Variants in EVI5 observed in about 807,000 individuals in gnomAD.
EVI5 encodes ecotropic viral integration site 5.
EVI5 carries 73 observed loss-of-function variants against 112.0 expected under a neutral mutation model. The ratio of observed to expected loss-of-function variants is 0.65; its 90% confidence interval spans 0.54 to 0.79. EVI5 has a LOEUF of 0.79. EVI5 is among the 30% of genes least tolerant of loss of function. The probability of loss-of-function intolerance (pLI) is 0.00; values close to 1 mark genes in which losing one functional copy is unlikely to be tolerated. For missense variants in EVI5, 900 were observed against 968.8 expected (o/e 0.93, Z 0.94); for synonymous variants, 305 against 319.9 (o/e 0.95, Z 0.50).
intron 19 of EVI5, among the ~76,000 whole-genome samples, chr1:92,554,083 A>C (rs1372654479): frequency 6.6e-6 from 1 of 152,232 alleles, no homozygotes; most frequent in Admixed American, 6.5e-5. Flanking sequence ...TGCTAGTAGC[A>C]CCAAATGGAA....
chr1:92,709,274 T>C (rs908306212), intron 2 of EVI5, among the ~76,000 whole-genome samples: 13 of 152,164 alleles, frequency 8.5e-5, no homozygotes, highest in African/African-American at 2.4e-4. Flanking sequence ...GGGTTATACA[T>C]AGGTATATAC....
At position 92,525,993 on chromosome 1, in the gene EVI5, G is replaced by A. The variant is rs114873232; in HGVS notation, c.2167-12023C>T. On this transcript the variant is annotated intron_variant, in intron 19 of 19. Transcript: ENST00000684568. The stretch of plus-strand genomic sequence containing the variant: ...ACAAATGAAATATATGTTTCTTAAG[G>A]GCAGGCCCTTTCCAAGACTTTGAGT... Among the ~76,000 whole-genome samples the A allele has an allele frequency of 8.5e-3, 1,294 of 152,198 alleles. 18 individuals are homozygous for A. The highest frequency in any genetic ancestry group is 0.024 in the Middle Eastern group (7 of 294).
chr1:92,613,031 T>C (rs970262536), intron 16 of EVI5, among the ~76,000 whole-genome samples: 3 of 152,116 alleles, frequency 2.0e-5, no homozygotes, highest in Admixed American at 2.0e-4. Flanking sequence ...GGTACAGGAC[T>C]CAAGAAGGGG....
chr1:92,747,165 TAAC>T (rs750429872), intron 1 of EVI5, among the ~76,000 whole-genome samples: 4 of 152,230 alleles, frequency 2.6e-5, no homozygotes, highest in Admixed American at 6.5e-5. Context: ...CAGTACTGTA[TAAC>T]AACTACTTAC....
At chr1:92,681,640 T>C (rs1667606409) in intron 9 of EVI5, among the ~76,000 whole-genome samples, 1 of 152,162 alleles carries the variant, frequency 6.6e-6, no homozygotes, top group African/African-American at 2.4e-5. Flanking sequence ...ATCATGTCAC[T>C]TTTCGCAAAA....
At position 92,552,988 on chromosome 1, in the gene EVI5, T is replaced by A. The variant is rs539147864; in HGVS notation, c.2166+10654A>T. Among the ~76,000 whole-genome samples the A allele has an allele frequency of 2.7e-3, 407 of 148,178 alleles. 2 individuals carry two copies. The highest frequency in any genetic ancestry group is 9.2e-3 in the African/African-American group (368 of 39,972). On this transcript the variant is annotated intron_variant, in intron 19 of 19. Coordinates refer to ENST00000684568, the MANE Select transcript of EVI5 (RefSeq NM_001350197.2). ...ACATGTTTTCATTAACAAGTTAAAA[T>A]TTTTTTTTTTACCCATTGCAGGAAT...
intron 18 of EVI5, among the ~76,000 whole-genome samples, chr1:92,600,046 C>A (rs1287355618): frequency 6.6e-6 from 1 of 152,034 alleles, no homozygotes; most frequent in African/African-American, 2.4e-5. Flanking sequence ...AAGGGGTAAG[C>A]AGATGAACTA....
At chr1:92,683,659 G>GA (rs1387661429) in intron 9 of EVI5, among the ~76,000 whole-genome samples, 1 of 151,956 alleles carries the variant, frequency 6.6e-6, no homozygotes, top group African/African-American at 2.4e-5. Flanking sequence ...TAAAAACCTT[G>GA]AAAAAAGGTT....
Position 92,735,720 on chromosome 1 carries a change from TATATAATATA to T in EVI5, c.149+668_149+677del, listed in dbSNP as rs59605834. On this transcript the variant is annotated intron_variant, in intron 2 of 19. Transcript: ENST00000684568. ...GATTGAAATATACAATATTATATTA[TATATAATATA>T]ATATAATATAATCATATTAAAATAT... 4.9e-5 allele frequency among the ~76,000 whole-genome samples: 7 copies of T among 142,342 alleles called. No homozygotes were observed. In the South Asian group the frequency reaches 6.4e-4, roughly 13 times the overall value. 93.4% of individuals were successfully genotyped at this position (142,342 alleles called of 152,430 possible).
chr1:92,672,196 G>A (rs544229414), intron 10 of EVI5, among the ~76,000 whole-genome samples: 70 of 152,240 alleles, frequency 4.6e-4, no homozygotes, highest in African/African-American at 1.6e-3. Flanking sequence ...TCTTAACACA[G>A]CAACCAGAAT....
At chr1:92,560,351 T>C (rs2100859089) in intron 19 of EVI5, among the ~76,000 whole-genome samples, 1 of 152,276 alleles carries the variant, frequency 6.6e-6, no homozygotes, top group East Asian at 1.9e-4. Context: ...GTTAAACTAC[T>C]GTATTAGAAG....
At chr1:92,751,750 C>T (rs1243832598) in intron 1 of EVI5, among the ~76,000 whole-genome samples, 2 of 152,082 alleles carry the variant, frequency 1.3e-5, no homozygotes, top group African/African-American at 2.4e-5. Flanking sequence ...CAGTGGCTCC[C>T]GTCTGTAATC....
At chr1:92,720,133 T>C (rs1674484856) in intron 2 of EVI5, among the ~76,000 whole-genome samples, 1 of 152,044 alleles carries the variant, frequency 6.6e-6, no homozygotes, top group Admixed American at 6.5e-5. Context: ...GCTATCCCCA[T>C]GAAGCTACAA....
chr1:92,680,367 G>C (rs1163639671), intron 9 of EVI5, among the ~76,000 whole-genome samples: 5 of 152,132 alleles, frequency 3.3e-5, no homozygotes, highest in African/African-American at 4.8e-5. Flanking sequence ...AGGTTGCAAG[G>C]GTTCCCACTG....
chr1:92,731,659 C>A (rs1023908862), intron 2 of EVI5, among the ~76,000 whole-genome samples: 10 of 152,058 alleles, frequency 6.6e-5, no homozygotes, highest in African/African-American at 2.4e-4. Context: ...TATAAGCCTA[C>A]AATAATCAAG....
At chr1:92,592,237 C>T (rs546248632) in intron 18 of EVI5, among the ~76,000 whole-genome samples, 23 of 152,004 alleles carry the variant, frequency 1.5e-4, no homozygotes, top group South Asian at 1.0e-3. Context: ...AGCGAGACTC[C>T]GTCTCAGAAA....
At chr1:92,678,115 C>G (rs911244971) in intron 9 of EVI5, among the ~76,000 whole-genome samples, 1 of 152,182 alleles carries the variant, frequency 6.6e-6, no homozygotes, top group African/African-American at 2.4e-5. Context: ...TGCTTGCTAT[C>G]TGGGTGATGG....
chr1:92,735,239 C>G (rs1677130668), intron 2 of EVI5, among the ~76,000 whole-genome samples: 1 of 152,092 alleles, frequency 6.6e-6, no homozygotes. Flanking sequence ...AATCAACTAT[C>G]AATATGTGCT....
chr1:92,744,596 TCTCTCACACACACACACACACACACACA>T (rs907947944), intron 1 of EVI5, among the ~76,000 whole-genome samples: 1 of 25,470 alleles, frequency 3.9e-5, no homozygotes, highest in African/African-American at 5.8e-5. Context: ...TCTCTCTCTC[TCTCTCACACACACACACACACACACACA>T]CACACACACA....
Sources: gnomAD v4.1 joint callset for allele counts (sites outside exome capture counted in the v4.1 genomes callset) on GRCh38, gnomAD v4.1.1 for gene constraint, MANE v1.5 for transcripts, NCBI Gene and HGNC (gene_info 2026-07-23, HGNC 2026-07-21) for gene names.